Variants in MEP1B observed in about 807,000 individuals in gnomAD.
The protein encoded by MEP1B is N-benzoyl-L-tyrosyl-P-amino-benzoic acid hydrolase subunit beta.
Under a neutral mutation model 84.6 loss-of-function variants are expected in MEP1B, and 80 were observed. The observed-to-expected ratio is 0.95, with a 90% confidence interval of 0.79 to 1.14. The LOEUF is 1.14. Ranked by LOEUF, MEP1B falls within the 50% of genes most tolerant of loss-of-function variation. The probability of loss-of-function intolerance (pLI) is 0.00; values close to 1 mark genes in which losing one functional copy is unlikely to be tolerated. For synonymous variants in MEP1B, 273 were observed against 288.1 expected, an observed-to-expected ratio of 0.95 and a Z score of 0.53; for missense variants, 766 against 855.1, an observed-to-expected ratio of 0.90 and a Z score of 1.30.
At chr18:32,192,974 C>T (rs937382957) in intron 4 of MEP1B, among the ~76,000 whole-genome samples, 157 bp downstream of exon 4, 1 of 152,122 alleles carries the variant, frequency 6.6e-6, no homozygotes, top group African/African-American at 2.4e-5. Flanking sequence ...ATATATTATA[C>T]TCAAAGAAAT....
intron 12 of MEP1B, 59 bp from the exon 13 acceptor site, chr18:32,216,932 G>T: frequency 6.7e-7 from 1 of 1,495,362 alleles, no homozygotes; most frequent in Non-Finnish European, 9.0e-7. Context: ...GAAAATTAAA[G>T]ATCAAATGAT....
At position 32,210,516 on chromosome 18, in the gene MEP1B, T is replaced by C. The variant is rs759669659; in HGVS notation, c.935T>C (p.Met312Thr). 3.0e-5 allele frequency: 48 copies of C among 1,613,726 alleles called. No individual in the cohort carries two copies. The highest frequency in any genetic ancestry group is 6.7e-5 in the Admixed American group (4 of 59,996). The change falls in exon 10 of 15, where the codon ATG becomes ACG. Residue 312 changes from methionine (M) to threonine (T), a missense_variant. Coordinates refer to ENST00000269202, the MANE Select transcript of MEP1B (RefSeq NM_005925.3). ...MGQCQGSGFF[M>T]HFDSSSVNVG... ...TCTTTAACAGGTTCTGGTTTCTTCATGCATTTCGATAGCAGCTCTGTAAAT... is the reference window on the plus strand; with the variant it reads ...TCTTTAACAGGTTCTGGTTTCTTCACGCATTTCGATAGCAGCTCTGTAAAT...
chr18:32,214,690 T>C (rs1409703981), intron 11 of MEP1B, among the ~76,000 whole-genome samples: 1 of 152,224 alleles, frequency 6.6e-6, no homozygotes. Context: ...AGCAACATAT[T>C]GCTTTAACTG....
intron 7 of MEP1B, among the ~76,000 whole-genome samples, chr18:32,204,770 G>T (rs185468181): frequency 6.6e-6 from 1 of 152,162 alleles, no homozygotes; most frequent in Non-Finnish European, 1.5e-5. Context: ...AAATCAAGGG[G>T]TGGGCATTTG....
intron 2 of MEP1B, 104 bp from the exon 3 acceptor site, chr18:32,192,542 G>A (rs913200093): frequency 2.0e-6 from 2 of 1,012,330 alleles, no homozygotes; most frequent in East Asian, 2.4e-5. Context: ...GTAGTCACCT[G>A]AGGCCAAAAG....
intron 1 of MEP1B, among the ~76,000 whole-genome samples, chr18:32,191,204 G>GTTGT (rs2040798660): frequency 6.8e-6 from 1 of 146,256 alleles, no homozygotes; most frequent in Non-Finnish European, 1.5e-5. Context: ...GGTTTACTTA[G>GTTGT]TTGTTTTTTT....
rs569962665 is a variant in MEP1B at position 32,193,774 on chromosome 18, G to A, written c.171+957G>A. ...TCCCTCACAGTCCTCCCACCCCCAG[G>A]AAACAGAGCTGCAGTCTCCCAGGCT... On this transcript the variant is annotated intron_variant, in intron 4 of 14. Coordinates refer to ENST00000269202, the MANE Select transcript of MEP1B (RefSeq NM_005925.3). Among the ~76,000 whole-genome samples the A allele has an allele frequency of 3.9e-5, 6 of 152,096 alleles. No individual in the cohort carries two copies. In the East Asian group the frequency reaches 5.8e-4, roughly 15 times the overall value.
chr18:32,195,491 T>C lies in MEP1B; in HGVS notation c.250+6T>C. 1.3e-6 allele frequency: 2 copies of C among 1,568,200 alleles called. No individual in the cohort carries two copies. The highest frequency in any genetic ancestry group is 1.8e-6 in the Non-Finnish European group (2 of 1,140,106). On this transcript the variant is annotated splice_donor_region_variant and intron_variant, in intron 5 of 14. Transcript: ENST00000269202. ...TGTTCTAGAAGATAGCTTGGGTTAG[T>C]ATGCACCTTGAAGTATCCATAACTA...
rs201092141 is a variant in MEP1B at position 32,204,153 on chromosome 18, T to C, written c.369-29T>C. The C allele has an allele frequency of 6.9e-5, 110 of 1,584,530 alleles. No individual in the cohort carries two copies. In the Middle Eastern group the frequency reaches 1.0e-3, roughly 14 times the overall value. On this transcript the variant is annotated intron_variant, in intron 6 of 14. Transcript: ENST00000269202. ...GAGACCTCAGATTGTAACATTCTCT[T>C]CCCCCTTTCTTGTAAACTCTCCTGT...
At chr18:32,202,567 G>A (rs980380933) in intron 5 of MEP1B, among the ~76,000 whole-genome samples, 1 of 152,178 alleles carries the variant, frequency 6.6e-6, no homozygotes, top group Non-Finnish European at 1.5e-5. Context: ...GATGAAGTAC[G>A]TGATGGTGAT....
intron 4 of MEP1B, among the ~76,000 whole-genome samples, chr18:32,193,361 A>G (rs1356562975): frequency 1.3e-5 from 2 of 152,188 alleles, no homozygotes; most frequent in African/African-American, 4.8e-5. Context: ...TAGGGGGACT[A>G]AAAAGTTCAC....
In MEP1B at chr18:32,204,252, A is replaced by T; in HGVS notation, c.439A>T (p.Ile147Leu). Residue 147 changes from isoleucine to leucine, a missense_variant, in exon 7 of 15, where the codon ATA becomes TTA. Coordinates refer to ENST00000269202, the MANE Select transcript of MEP1B (RefSeq NM_005925.3). ...TTCCATCGGGGCAAACTGTGACCGA[A>T]TAGCAACAGTTCAACACGAGTTCCT... is the stretch of plus-strand genomic sequence containing the variant. Reference protein sequence around the residue: ...ELSIGANCDRIATVQHEFLHA... With the variant: ...ELSIGANCDRLATVQHEFLHA... The T allele has an allele frequency of 1.2e-6, 2 of 1,605,604 alleles. No homozygotes were observed. The highest frequency in any genetic ancestry group is 8.5e-7 in the Non-Finnish European group (1 of 1,176,336).
intron 12 of MEP1B, among the ~76,000 whole-genome samples, chr18:32,215,969 CATATATATATATATAT>C (rs10522884): frequency 0.023 from 3,141 of 134,716 alleles, 47 homozygotes; most frequent in Middle Eastern, 0.053. Flanking sequence ...TACATATATG[CATATATATATATATAT>C]ATATATATAT....
chr18:32,219,277 C>T (rs16962856), intron 14 of MEP1B, among the ~76,000 whole-genome samples: 4,775 of 152,230 alleles, frequency 0.031, 230 homozygotes, highest in African/African-American at 0.11. Flanking sequence ...GTTGTATTAT[C>T]GTAGGCTGTT....
chr18:32,191,109 G>A (rs1403101085), intron 1 of MEP1B, among the ~76,000 whole-genome samples: 1 of 151,894 alleles, frequency 6.6e-6, no homozygotes, highest in East Asian at 1.9e-4. Flanking sequence ...AAGGTGAACT[G>A]AATTACCCTT....
At chr18:32,218,844 AT>A (rs1052145865) in intron 14 of MEP1B, among the ~76,000 whole-genome samples, 17 of 152,226 alleles carry the variant, frequency 1.1e-4, no homozygotes, top group Non-Finnish European at 1.3e-4. Flanking sequence ...GGGGGAGGGC[AT>A]TTCTTGCATA....
intron 5 of MEP1B, chr18:32,197,090 C>G (rs571990945): frequency 1.8e-4 from 28 of 158,104 alleles, no homozygotes; most frequent in Non-Finnish European, 2.8e-4. Context: ...TTTATTTTGC[C>G]AGGTCAGGAA....
chr18:32,196,774 TG>T lies in MEP1B; in HGVS notation c.250+1291del. ...AGGGCCAGGTGCATGTTTTCCTGGATGGTGTTGGGGTGCTCGATGCCCATCA... is the reference window on the plus strand; with the variant it reads ...AGGGCCAGGTGCATGTTTTCCTGGATGTGTTGGGGTGCTCGATGCCCATCA... On this transcript the variant is annotated intron_variant, in intron 5 of 14. Coordinates refer to ENST00000269202, the MANE Select transcript of MEP1B (RefSeq NM_005925.3). This position sits in a 1 kb window ranked among gnomAD's most constrained non-coding sequence, Gnocchi z 4.4. 1 of 664,358 alleles carries T rather than the reference TG, an allele frequency of 1.5e-6. No individual in the cohort carries two copies. The highest frequency in any genetic ancestry group is 2.7e-6 in the Non-Finnish European group (1 of 365,330). The allele number at this position is 664,358 out of a possible 1,614,324, so 41.2% of individuals were successfully genotyped here. A position where few individuals can be genotyped will look rare whatever the true frequency, so the allele number is the denominator to read the frequency against.
At chr18:32,205,979 CT>C (rs2040960633) in intron 7 of MEP1B, among the ~76,000 whole-genome samples, 1 of 151,886 alleles carries the variant, frequency 6.6e-6, no homozygotes, top group East Asian at 1.9e-4. Context: ...AGTCATTATG[CT>C]TTATTTATTT....
Sources: allele counts gnomAD v4.1 joint callset (sites outside exome capture counted in the v4.1 genomes callset), GRCh38; gene constraint gnomAD v4.1.1; non-coding constraint Gnocchi (gnomAD v3.1); transcripts MANE v1.5; gene names NCBI Gene and HGNC (gene_info 2026-07-23, HGNC 2026-07-21).